NAALADL2: variants seen among roughly 807,000 people sequenced by gnomAD.
The protein encoded by NAALADL2 is inactive N-acetylated-alpha-linked acidic dipeptidase-like protein 2.
Under a neutral mutation model 87.2 loss-of-function variants are expected in NAALADL2, and 76 were observed. The ratio of observed to expected loss-of-function variants is 0.87; its 90% confidence interval spans 0.72 to 1.05. NAALADL2 has a LOEUF of 1.05. Ranked by LOEUF, NAALADL2 falls within the 50% of genes least tolerant of loss-of-function variation. The pLI is 0.00. For missense variants in NAALADL2, 1,089 were observed against 945.8 expected (o/e 1.15, Z -1.99); for synonymous variants, 354 against 331.0 (o/e 1.07, Z -0.75).
chr3:175,385,498 G>GA (rs1024529774), intron 5 of NAALADL2, among the ~76,000 whole-genome samples: 1 of 151,792 alleles, frequency 6.6e-6, no homozygotes, highest in African/African-American at 2.4e-5. Context: ...TAAATTGAAA[G>GA]AAAAAAGGTA....
intron 4 of NAALADL2, among the ~76,000 whole-genome samples, chr3:175,270,213 A>T (rs1314340137): frequency 1.3e-5 from 2 of 152,136 alleles, no homozygotes; most frequent in African/African-American, 4.8e-5. Flanking sequence ...ATTTATGTGG[A>T]GAGTGTTTCA....
At chr3:174,598,082 A>G (rs1019497532) in intron 2 of NAALADL2, among the ~76,000 whole-genome samples, 7 of 152,184 alleles carry the variant, frequency 4.6e-5, no homozygotes, top group Non-Finnish European at 8.8e-5. Context: ...TTCAATAACC[A>G]TGTTGAAGAA....
chr3:174,968,873 C>CTTTG (rs1248477576), intron 1 of NAALADL2, among the ~76,000 whole-genome samples: 1 of 152,074 alleles, frequency 6.6e-6, no homozygotes, highest in African/African-American at 2.4e-5. Context: ...AGAAAGAGAC[C>CTTTG]TTTGGGCCAC....
intron 1 of NAALADL2, among the ~76,000 whole-genome samples, chr3:175,045,317 C>T (rs914906165): frequency 2.0e-5 from 3 of 152,100 alleles, no homozygotes; most frequent in Admixed American, 2.0e-4. Context: ...TTCTCTTCTC[C>T]TCCATTATCT....
chr3:175,464,392 C>T (rs1341108552), intron 7 of NAALADL2, among the ~76,000 whole-genome samples: 3 of 148,074 alleles, frequency 2.0e-5, no homozygotes, highest in Non-Finnish European at 4.4e-5. Flanking sequence ...CCACTGCTCT[C>T]TAGCCTGGGC....
At chr3:174,722,548 A>C (rs1731802176) in intron 2 of NAALADL2, among the ~76,000 whole-genome samples, 1 of 152,088 alleles carries the variant, frequency 6.6e-6, no homozygotes, top group Admixed American at 6.6e-5. Context: ...TAAAAATACC[A>C]AAAATTAGCC....
At chr3:174,459,041 T>A (rs995365487) in intron 1 of NAALADL2, among the ~76,000 whole-genome samples, 1 of 152,118 alleles carries the variant, frequency 6.6e-6, no homozygotes, top group Non-Finnish European at 1.5e-5. Context: ...GTTCCCAGGT[T>A]CTTTAGGAAA....
chr3:174,761,619 T>C (rs74881963), intron 3 of NAALADL2, among the ~76,000 whole-genome samples: 1 of 152,126 alleles, frequency 6.6e-6, no homozygotes, highest in Admixed American at 6.6e-5. Flanking sequence ...TTAAGAAAAA[T>C]TTTTTTATTA....
At chr3:175,133,390 T>G (rs1434935075) in intron 2 of NAALADL2, among the ~76,000 whole-genome samples, 1 of 151,990 alleles carries the variant, frequency 6.6e-6, no homozygotes, top group Non-Finnish European at 1.5e-5. Context: ...GTGGAGGTTG[T>G]AGCGAGCCGA....
intron 1 of NAALADL2, among the ~76,000 whole-genome samples, chr3:175,077,248 A>C (rs1716774883): frequency 6.6e-6 from 1 of 152,230 alleles, no homozygotes; most frequent in East Asian, 1.9e-4. Flanking sequence ...TCAAGCTTTA[A>C]ATGTGTAAAA....
intron 11 of NAALADL2, among the ~76,000 whole-genome samples, chr3:175,706,356 A>T (rs978834511): frequency 1.3e-5 from 2 of 152,148 alleles, no homozygotes; most frequent in Non-Finnish European, 2.9e-5. Flanking sequence ...GTTATGGTAA[A>T]GGTCAATTTG....
intron 1 of NAALADL2, among the ~76,000 whole-genome samples, chr3:174,878,520 T>C (rs1193646009): frequency 6.6e-6 from 1 of 152,118 alleles, no homozygotes; most frequent in South Asian, 2.1e-4. Context: ...CCTTAATTTA[T>C]AGGTTTTGCT....
At chr3:175,299,172 C>A (rs1237478993) in intron 4 of NAALADL2, among the ~76,000 whole-genome samples, 3 of 152,088 alleles carry the variant, frequency 2.0e-5, no homozygotes, top group Non-Finnish European at 4.4e-5. Context: ...GTTACTGTAG[C>A]CTTGTAGTAT....
chr3:175,801,915 T>A (rs7623896), intron 13 of NAALADL2, among the ~76,000 whole-genome samples: 2,321 of 152,202 alleles, frequency 0.015, 66 homozygotes, highest in African/African-American at 0.053. Context: ...GGGCACTATC[T>A]TATTATGCAT....
At chr3:174,459,082 T>C (rs527238169) in intron 1 of NAALADL2, among the ~76,000 whole-genome samples, 1 of 152,274 alleles carries the variant, frequency 6.6e-6, no homozygotes, top group African/African-American at 2.4e-5. Context: ...AATGGGAAAA[T>C]AAAGATTATG....
chr3:174,960,042 G>C (rs1741748637), intron 1 of NAALADL2, among the ~76,000 whole-genome samples: 1 of 152,026 alleles, frequency 6.6e-6, no homozygotes, highest in Non-Finnish European at 1.5e-5. Context: ...TCTTGTGGGG[G>C]CAAAGTTGGC....
intron 3 of NAALADL2, among the ~76,000 whole-genome samples, chr3:174,807,296 C>T (rs930120142): frequency 6.6e-6 from 1 of 151,078 alleles, no homozygotes; most frequent in Non-Finnish European, 1.5e-5. Flanking sequence ...ACAGAACTTG[C>T]ACAGTGAAGT....
At chr3:175,476,864 T>C (rs1216364158) in intron 9 of NAALADL2, among the ~76,000 whole-genome samples, 2 of 152,144 alleles carry the variant, frequency 1.3e-5, no homozygotes, top group African/African-American at 4.8e-5. Flanking sequence ...AACAGAGATA[T>C]TTATTATTTT....
At chr3:174,616,421 C>A in intron 2 of NAALADL2, among the ~76,000 whole-genome samples, 1 of 151,888 alleles carries the variant, frequency 6.6e-6, no homozygotes, top group African/African-American at 2.4e-5. Context: ...TTTTTTGATA[C>A]AGGCTCTGAA....
Sources: allele counts gnomAD v4.1 joint callset (sites outside exome capture counted in the v4.1 genomes callset), GRCh38; gene constraint gnomAD v4.1.1; transcripts MANE v1.5; gene names NCBI Gene and HGNC (gene_info 2026-07-23, HGNC 2026-07-21).